The following TXNRD1 variants were observed in gnomAD, a reference collection of about 807,000 sequenced individuals.
The protein encoded by TXNRD1 is thioredoxin reductase 1, also known as thioredoxin reductase 1, cytoplasmic.
Under a neutral mutation model 80.3 loss-of-function variants are expected in TXNRD1, and 57 were observed. The observed-to-expected ratio is 0.71, with a 90% CI of 0.57 to 0.89. The LOEUF (loss-of-function observed/expected upper bound fraction) is 0.89. TXNRD1 is among the 40% of genes least tolerant of loss of function. The pLI, the probability that TXNRD1 is intolerant of heterozygous loss-of-function variation, is 0.00. For missense variants in TXNRD1, 730 were observed against 803.0 expected (o/e 0.91, Z 1.10); for synonymous variants, 291 against 285.2 (o/e 1.02, Z -0.20).
chr12:104,256,271 G>A (rs1029441429), intron 2 of TXNRD1, among the ~76,000 whole-genome samples: 6 of 152,132 alleles, frequency 3.9e-5, no homozygotes, highest in Admixed American at 2.6e-4. Flanking sequence ...GGAAACTAAC[G>A]TCTACGTAAA....
At chr12:104,237,568 G>A (rs922070471) in intron 1 of TXNRD1, among the ~76,000 whole-genome samples, 1 of 152,310 alleles carries the variant, frequency 6.6e-6, no homozygotes, top group East Asian at 1.9e-4. Context: ...ACCCGGCCCT[G>A]TTCCTCCAAG....
intron 16 of TXNRD1, among the ~76,000 whole-genome samples, chr12:104,345,611 G>A (rs190679322): frequency 6.6e-6 from 1 of 152,122 alleles, no homozygotes; most frequent in African/African-American, 2.4e-5. Flanking sequence ...CACCTGAGCC[G>A]CAGTCATTGA....
chr12:104,300,145 C>A (rs908239632), intron 4 of TXNRD1, among the ~76,000 whole-genome samples: 3 of 152,160 alleles, frequency 2.0e-5, no homozygotes, highest in African/African-American at 7.2e-5. Flanking sequence ...TGTCATCCAC[C>A]CTATCACGTT....
At chr12:104,312,546 G>A (rs1050838935) in intron 5 of TXNRD1, among the ~76,000 whole-genome samples, 1 of 152,204 alleles carries the variant, frequency 6.6e-6, no homozygotes, top group African/African-American at 2.4e-5. Flanking sequence ...GTGGTGGTGT[G>A]TTTGAAAGAC....
At chr12:104,304,056 G>T in intron 4 of TXNRD1, 3 of 1,613,846 alleles carry the variant, frequency 1.9e-6, no homozygotes, top group South Asian at 1.1e-5. Flanking sequence ...CGCAGCATCC[G>T]CAGGCAGTAC....
At chr12:104,343,473 A>T (rs143092851) in intron 16 of TXNRD1, among the ~76,000 whole-genome samples, 3 of 152,130 alleles carry the variant, frequency 2.0e-5, no homozygotes, top group Non-Finnish European at 4.4e-5. Context: ...TGGCCATACC[A>T]CCCAGGTTTT....
chr12:104,246,746 C>T (rs2033005284), intron 1 of TXNRD1, among the ~76,000 whole-genome samples: 1 of 151,922 alleles, frequency 6.6e-6, no homozygotes, highest in Admixed American at 6.6e-5. Flanking sequence ...TGGTCTCGAT[C>T]TCCTGACTTT....
chr12:104,304,714 TTA>T (rs1350775687), intron 4 of TXNRD1: 2 of 1,613,570 alleles, frequency 1.2e-6, no homozygotes, highest in African/African-American at 1.3e-5. Flanking sequence ...AGAATATATT[TTA>T]TGTTTCTTTT....
At position 104,267,683 on chromosome 12, in the gene TXNRD1, TTCTTTCTTTCTTTCTTTCTC is replaced by T. The variant is rs1276171249; in HGVS notation, c.304+9626_304+9645del. Among the ~76,000 whole-genome samples the T allele has an allele frequency of 6.8e-3, 278 of 40,860 alleles. 3 individuals are homozygous for T. Among genetic ancestry groups the T allele is most frequent in the Non-Finnish European group, 8.9e-3 (139 of 15,606 alleles). The allele number at this position is 40,860 out of a possible 152,430, so 26.8% of individuals were successfully genotyped here. On this transcript the variant is annotated intron_variant, in intron 3 of 16. Coordinates refer to ENST00000525566, the MANE Select transcript of TXNRD1 (RefSeq NM_001093771.3). Reference sequence around the variant, plus strand: ...TTTCTTTCTTTCTTTCTTTCTTTCTTTCTTTCTTTCTTTCTTTCTCTCTTTCTTTCTTTCTTTCTCTTTCT... The same window carrying T: ...TTTCTTTCTTTCTTTCTTTCTTTCTTTCTTTCTTTCTTTCTTTCTCTTTCT...
At chr12:104,305,556 A>G (rs981979958) in intron 4 of TXNRD1, among the ~76,000 whole-genome samples, 2 of 152,216 alleles carry the variant, frequency 1.3e-5, no homozygotes, top group African/African-American at 4.8e-5. Flanking sequence ...AAACACGAAG[A>G]AGGAAAAGGC....
chr12:104,347,007 A>G (rs1429299810), intron 16 of TXNRD1, among the ~76,000 whole-genome samples: 1 of 152,172 alleles, frequency 6.6e-6, no homozygotes, highest in Non-Finnish European at 1.5e-5. Flanking sequence ...AGGCAGGAGA[A>G]TCGCTTGAAC....
intron 4 of TXNRD1, among the ~76,000 whole-genome samples, chr12:104,298,359 A>C (rs1259494603): frequency 1.3e-5 from 2 of 152,126 alleles, no homozygotes; most frequent in East Asian, 3.8e-4. Context: ...TTATATGGCA[A>C]ATTTCTTTTC....
At chr12:104,290,901 CTT>C (rs2034179150) in intron 4 of TXNRD1, 3 of 549,870 alleles carry the variant, frequency 5.5e-6, no homozygotes, top group Admixed American at 3.7e-5. Context: ...AAGAGTCACT[CTT>C]TTTATAAGCT....
intron 1 of TXNRD1, among the ~76,000 whole-genome samples, chr12:104,235,004 A>G (rs2032705385): frequency 6.6e-6 from 1 of 152,204 alleles, no homozygotes; most frequent in African/African-American, 2.4e-5. Context: ...TCCAAATCTT[A>G]AAATGCTTGG....
intron 1 of TXNRD1, among the ~76,000 whole-genome samples, chr12:104,220,538 A>T (rs1310698504): frequency 6.6e-6 from 1 of 152,114 alleles, no homozygotes; most frequent in Non-Finnish European, 1.5e-5. Flanking sequence ...AGTCTGGCCA[A>T]CATGGTGAAA....
At chr12:104,340,972 T>G (rs963826416) in intron 16 of TXNRD1, among the ~76,000 whole-genome samples, 3 of 152,216 alleles carry the variant, frequency 2.0e-5, no homozygotes, top group Admixed American at 1.3e-4. Flanking sequence ...ATTTTTTGTC[T>G]GAATTCAGCT....
chr12:104,287,320 T>C, intron 3 of TXNRD1: 1 of 1,613,976 alleles, frequency 6.2e-7, no homozygotes. Flanking sequence ...TTCGACCCGG[T>C]CACACAAAGC....
At chr12:104,309,760 G>A in intron 4 of TXNRD1, 1 of 1,526,656 alleles carries the variant, frequency 6.6e-7, no homozygotes. Context: ...CCCCCACAGT[G>A]CTTTGTATTG....
chr12:104,229,288 C>T (rs534214138), intron 1 of TXNRD1, among the ~76,000 whole-genome samples: 40 of 151,652 alleles, frequency 2.6e-4, no homozygotes, highest in Admixed American at 1.4e-3. Flanking sequence ...GCTGGGACTA[C>T]GGGCACACAC....
Sources: gnomAD v4.1 joint callset for allele counts (sites outside exome capture counted in the v4.1 genomes callset) on GRCh38, gnomAD v4.1.1 for gene constraint, MANE v1.5 for transcripts, NCBI Gene and HGNC (gene_info 2026-07-23, HGNC 2026-07-21) for gene names.